Variants in MAJIN observed in about 807,000 individuals in gnomAD.
MAJIN encodes the protein membrane anchored junction protein.
A neutral mutation model predicts 30.2 loss-of-function variants in MAJIN; 27 were observed. The observed-to-expected ratio is 0.89, with a 90% CI of 0.66 to 1.23. The LOEUF (loss-of-function observed/expected upper bound fraction) is 1.23. MAJIN is among the 50% of genes most tolerant of loss of function. The pLI is 0.00. For synonymous variants in MAJIN, 78 were observed against 91.6 expected (o/e 0.85, Z 0.85); for missense variants, 253 against 260.3 (o/e 0.97, Z 0.19).
intron 8 of MAJIN, among the ~76,000 whole-genome samples, chr11:64,944,365 T>C (rs1480789585): frequency 6.6e-6 from 1 of 152,222 alleles, no homozygotes; most frequent in Non-Finnish European, 1.5e-5. Flanking sequence ...CCCCTGCACA[T>C]GGCACATCTA....
intron 6 of MAJIN, among the ~76,000 whole-genome samples, chr11:64,948,629 ATATATATATATTTTTTTTTTTTTTTTTT>A (rs1255835710): frequency 4.8e-5 from 2 of 41,752 alleles, no homozygotes; most frequent in African/African-American, 2.7e-4. Flanking sequence ...ATATATATAT[ATATATATATATTTTTTTTTTTTTTTTTT>A]TTTTTTTTTT....
In MAJIN at chr11:64,938,477, G is replaced by T; in HGVS notation, c.*98C>A. 1 of 1,507,004 alleles carries T rather than the reference G, an allele frequency of 6.6e-7. No homozygotes were observed. The highest frequency in any genetic ancestry group is 8.9e-7 in the Non-Finnish European group (1 of 1,120,572). 93.4% of individuals were successfully genotyped at this position (1,507,004 alleles called of 1,614,324 possible). A position where few individuals can be genotyped will look rare whatever the true frequency, so the allele number is the denominator to read the frequency against. On this transcript the variant is annotated 3_prime_UTR_variant, in exon 11 of 11. Coordinates refer to ENST00000301896, the MANE Select transcript of MAJIN (RefSeq NM_001037225.3). ...AGTTGGAGGAAGAATGGCTCGGGAG[G>T]AGTCACTACAAGAGATGATCCTCTT...
At chr11:64,957,995 G>A (rs889018451) in intron 3 of MAJIN, among the ~76,000 whole-genome samples, 1 of 151,594 alleles carries the variant, frequency 6.6e-6, no homozygotes, top group African/African-American at 2.4e-5. Context: ...GGGCTGGAGT[G>A]CAGTGGGACC....
intron 1 of MAJIN, among the ~76,000 whole-genome samples, chr11:64,961,467 ATTTTTTT>A (rs36053356): frequency 0.018 from 1,062 of 59,144 alleles, 3 homozygotes; most frequent in Non-Finnish European, 0.024. Context: ...GTGCCCGGCA[ATTTTTTT>A]TTTTTTTTTT....
At chr11:64,948,602 CATAT>C (rs1554970962) in intron 6 of MAJIN, among the ~76,000 whole-genome samples, 460 of 19,350 alleles carry the variant, frequency 0.024, 13 homozygotes, top group East Asian at 0.1. Flanking sequence ...CGGGCTACAT[CATAT>C]ATATATATAT....
chr11:64,971,762 AG>A (rs1260109057), intron 1 of MAJIN, 114 bp downstream of exon 1: 1 of 152,508 alleles, frequency 6.6e-6, no homozygotes, highest in Non-Finnish European at 1.5e-5. Flanking sequence ...CTCAGGGGGC[AG>A]GGGGGACTGC....
intron 6 of MAJIN, 130 bp downstream of exon 6, chr11:64,949,613 C>T: frequency 8.2e-7 from 1 of 1,215,330 alleles, no homozygotes; most frequent in Non-Finnish European, 1.1e-6. Context: ...TCAGTCTGGC[C>T]TGGAGCACAT....
chr11:64,969,648 C>T (rs1247892378), intron 1 of MAJIN, among the ~76,000 whole-genome samples: 1 of 151,878 alleles, frequency 6.6e-6, no homozygotes, highest in South Asian at 2.1e-4. Flanking sequence ...AAAAGGTGAA[C>T]TGATTTGGAA....
chr11:64,956,584 TCATGA>T (rs1945636110), intron 3 of MAJIN, among the ~76,000 whole-genome samples: 2 of 151,846 alleles, frequency 1.3e-5, no homozygotes, highest in Admixed American at 1.3e-4. Flanking sequence ...TTCAAAAAGT[TCATGA>T]CATAATTTCA....
intron 6 of MAJIN, among the ~76,000 whole-genome samples, chr11:64,948,643 T>TC (rs1945500105): frequency 3.0e-4 from 5 of 16,830 alleles, no homozygotes; most frequent in African/African-American, 1.4e-3. Context: ...ATATATATTT[T>TC]TTTTTTTTTT....
At chr11:64,951,911 C>G (rs1259024856) in intron 4 of MAJIN, among the ~76,000 whole-genome samples, 1 of 151,716 alleles carries the variant, frequency 6.6e-6, no homozygotes, top group Admixed American at 6.6e-5. Flanking sequence ...TTTTTTGAGA[C>G]AGAATCTCGT....
rs1272374832 is a variant in MAJIN, at chr11:64,948,621, ATATATATATATATATATATTTTTTTTTT to A, written c.350-830_350-803del. The stretch of plus-strand genomic sequence containing the variant: ...CTACATCATATATATATATATATAT[ATATATATATATATATATATTTTTTTTTT>A]TTTTTTTTTTTTTTTTTTTTTTTTT... On this transcript the variant is annotated intron_variant, in intron 6 of 10. Coordinates refer to ENST00000301896, the MANE Select transcript of MAJIN (RefSeq NM_001037225.3). Among the ~76,000 whole-genome samples, 12 of 37,466 alleles carry A rather than the reference ATATATATATATATATATATTTTTTTTTT, an allele frequency of 3.2e-4. No homozygotes were observed. In the South Asian group the frequency reaches 0.02, roughly 61 times the overall value. The allele number at this position is 37,466 out of a possible 152,430, so 24.6% of individuals were successfully genotyped here.
At chr11:64,943,456 C>T (rs1382549773) in intron 8 of MAJIN, among the ~76,000 whole-genome samples, 1 of 152,222 alleles carries the variant, frequency 6.6e-6, no homozygotes, top group Admixed American at 6.5e-5. Flanking sequence ...TGCACAGTGA[C>T]TGTGATCCTA....
rs1212572404 is a variant in MAJIN at position 64,950,406 on chromosome 11, T to C, written c.172A>G (p.Asn58Asp). Residue 58 changes from asparagine (N) to aspartate (D), a missense_variant, in exon 5 of 11, where the codon AAC becomes GAC. Transcript: ENST00000301896. ...LEDSVRVVLG[N>D]LDNLQPFATE... is the part of the protein sequence containing the mutation. ...GCAAAGGGCTGAAGATTGTCCAAGT[T>C]TCCCAAGACCACGCGGACAGAATCC... The C allele has an allele frequency of 2.5e-6, 4 of 1,613,378 alleles. No homozygotes were observed. In the Admixed American group the frequency reaches 6.7e-5, roughly 27 times the overall value.
chr11:64,948,226 CCCTTCTA>C (rs1945481556), intron 6 of MAJIN, among the ~76,000 whole-genome samples: 1 of 151,978 alleles, frequency 6.6e-6, no homozygotes, highest in Non-Finnish European at 1.5e-5. Flanking sequence ...GTGCCCTTCT[CCCTTCTA>C]CCTGGTACTA....
At chr11:64,953,792 A>AAAAC (rs896745384) in intron 4 of MAJIN, among the ~76,000 whole-genome samples, 23 of 152,262 alleles carry the variant, frequency 1.5e-4, no homozygotes, top group East Asian at 3.9e-4. Flanking sequence ...TCCATCTCAA[A>AAAAC]AAACAAACAA....
intron 1 of MAJIN, among the ~76,000 whole-genome samples, chr11:64,965,249 G>C (rs1406560307): frequency 6.6e-6 from 1 of 152,142 alleles, no homozygotes; most frequent in African/African-American, 2.4e-5. Context: ...TTTGCCCTTA[G>C]AACTGTGTCA....
chr11:64,942,454 C>T (rs1347621319), intron 8 of MAJIN, among the ~76,000 whole-genome samples: 2 of 152,018 alleles, frequency 1.3e-5, no homozygotes, highest in African/African-American at 4.8e-5. Context: ...CCCCAAGTCC[C>T]CAAAGTCCAT....
Position 64,938,422 on chromosome 11 carries a change from C to G in MAJIN, c.*153G>C. 2.3e-6 allele frequency: 3 copies of G among 1,322,068 alleles called. No homozygotes were observed. The highest frequency in any genetic ancestry group is 3.1e-6 in the Non-Finnish European group (3 of 955,226). 81.9% of individuals were successfully genotyped at this position (1,322,068 alleles called of 1,614,324 possible). ...GACTCAGCATGGGGACCTCATTCCC[C>G]ACGACTGAAGTGTCATAAGAAAAGG... On this transcript the variant is annotated 3_prime_UTR_variant, in exon 11 of 11. Transcript: ENST00000301896.
Sources: gnomAD v4.1 joint callset for allele counts (sites outside exome capture counted in the v4.1 genomes callset) on GRCh38, gnomAD v4.1.1 for gene constraint, MANE v1.5 for transcripts, NCBI Gene and HGNC (gene_info 2026-07-23, HGNC 2026-07-21) for gene names.